The following KCNB2 variants were observed in gnomAD, a reference collection of about 807,000 sequenced individuals.
The protein encoded by KCNB2 is potassium voltage-gated channel subfamily B member 2, also known as delayed rectifier potassium channel protein.
Under a neutral mutation model 61.5 loss-of-function variants are expected in KCNB2, and 15 were observed. That is an observed-to-expected ratio of 0.24 (90% CI 0.16 to 0.38). KCNB2 has a LOEUF of 0.38. KCNB2 is among the 10% of genes least tolerant of loss of function. KCNB2 has a pLI of 1.00. For synonymous variants in KCNB2, 457 were observed against 446.0 expected (o/e 1.02, Z -0.31); for missense variants, 828 against 1,125.2 (o/e 0.74, Z 3.78).
At chr8:72,699,207 C>T (rs986392559) in intron 2 of KCNB2, among the ~76,000 whole-genome samples, 9 of 152,146 alleles carry the variant, frequency 5.9e-5, no homozygotes, top group Admixed American at 3.9e-4. Context: ...ACACTTCCAA[C>T]AACAGTGTAA....
chr8:72,667,006 T>TGTGTGTGAGA (rs141712140), intron 2 of KCNB2, among the ~76,000 whole-genome samples: 2,609 of 147,888 alleles, frequency 0.018, 64 homozygotes, highest in African/African-American at 0.058. Flanking sequence ...TGTGTGTGTG[T>TGTGTGTGAGA]GAGAGAGAGA....
chr8:72,635,602 C>A (rs1191721025), intron 2 of KCNB2, among the ~76,000 whole-genome samples: 1 of 152,134 alleles, frequency 6.6e-6, no homozygotes, highest in Non-Finnish European at 1.5e-5. Context: ...ATATTCTCAC[C>A]TCTAGTATTG....
chr8:72,684,508 G>A (rs1437470045), intron 2 of KCNB2, among the ~76,000 whole-genome samples: 3 of 152,160 alleles, frequency 2.0e-5, no homozygotes, highest in Non-Finnish European at 2.9e-5. Context: ...GAGCAAGAAA[G>A]CAGGGTATGA....
At chr8:72,634,846 A>G (rs571412019) in intron 2 of KCNB2, among the ~76,000 whole-genome samples, 48 of 152,296 alleles carry the variant, frequency 3.2e-4, no homozygotes, top group African/African-American at 1.1e-3. Context: ...AATGTGGTTT[A>G]ATGATTTGTG....
At chr8:72,777,335 C>G (rs1018556944) in intron 2 of KCNB2, among the ~76,000 whole-genome samples, 1 of 152,114 alleles carries the variant, frequency 6.6e-6, no homozygotes, top group African/African-American at 2.4e-5. Context: ...GAGGACAAGA[C>G]CCTTAGGTTT....
intron 2 of KCNB2, among the ~76,000 whole-genome samples, chr8:72,675,858 C>T (rs765324689): frequency 7.9e-5 from 12 of 152,030 alleles, no homozygotes; most frequent in Non-Finnish European, 1.5e-4. Context: ...GGCCTGCAGT[C>T]TGATTTTTGT....
At chr8:72,543,734 G>A (rs71525176) in intron 1 of KCNB2, among the ~76,000 whole-genome samples, 5,864 of 152,290 alleles carry the variant, frequency 0.039, 147 homozygotes, top group South Asian at 0.088. Context: ...AAAAGTTATG[G>A]AGGAAGCAGG....
chr8:72,608,769 T>A (rs567833393), intron 2 of KCNB2, among the ~76,000 whole-genome samples: 1 of 152,248 alleles, frequency 6.6e-6, no homozygotes, highest in South Asian at 2.1e-4. Context: ...TTCAGCCACA[T>A]TTAGGCCACC....
intron 2 of KCNB2, among the ~76,000 whole-genome samples, chr8:72,630,354 G>A (rs1486835097): frequency 2.6e-5 from 4 of 152,118 alleles, no homozygotes; most frequent in Non-Finnish European, 5.9e-5. Flanking sequence ...GACAGGTCAG[G>A]AAGTTCTTAA....
chr8:72,666,060 G>A (rs1445124818), intron 2 of KCNB2, among the ~76,000 whole-genome samples: 4 of 152,204 alleles, frequency 2.6e-5, no homozygotes, highest in Non-Finnish European at 5.9e-5. Flanking sequence ...ATGACCATGT[G>A]TCTATTTTTT....
chr8:72,912,366 A>G (rs1806312161), intron 2 of KCNB2, among the ~76,000 whole-genome samples: 3 of 152,070 alleles, frequency 2.0e-5, no homozygotes, highest in Admixed American at 2.0e-4. Flanking sequence ...AAAGGCCACA[A>G]GATTTACATC....
intron 2 of KCNB2, among the ~76,000 whole-genome samples, chr8:72,593,434 A>G (rs755223742): frequency 1.3e-5 from 2 of 152,232 alleles, no homozygotes; most frequent in Non-Finnish European, 2.9e-5. Flanking sequence ...TTTAGCAACT[A>G]AAGAGAAAAG....
chr8:72,759,959 A>G (rs1300173384), intron 2 of KCNB2, among the ~76,000 whole-genome samples: 1 of 152,204 alleles, frequency 6.6e-6, no homozygotes, highest in Non-Finnish European at 1.5e-5. Flanking sequence ...AAGGAAACTC[A>G]GTGTGATTGG....
At chr8:72,754,890 G>T (rs1808262575) in intron 2 of KCNB2, among the ~76,000 whole-genome samples, 1 of 152,100 alleles carries the variant, frequency 6.6e-6, no homozygotes, top group Non-Finnish European at 1.5e-5. Context: ...AGTGTAGGTT[G>T]TGCATAATGA....
chr8:72,646,318 T>A (rs1352418675), intron 2 of KCNB2, among the ~76,000 whole-genome samples: 1 of 152,178 alleles, frequency 6.6e-6, no homozygotes, highest in African/African-American at 2.4e-5. Context: ...ATCCGTATAT[T>A]ATGAGAAGTC....
intron 2 of KCNB2, among the ~76,000 whole-genome samples, chr8:72,569,270 G>T (rs1266175873): frequency 6.6e-6 from 1 of 152,216 alleles, no homozygotes; most frequent in African/African-American, 2.4e-5. Context: ...GAGAAGGGAA[G>T]AGTGTGTCAT....
rs531849165 is a variant in KCNB2, at chr8:72,716,883, G to A, written c.579+148570G>A. Among the ~76,000 whole-genome samples, 13 of 152,090 alleles carry A rather than the reference G, an allele frequency of 8.5e-5. No individual in the cohort carries two copies. In the East Asian group the frequency reaches 2.3e-3, roughly 27 times the overall value. ...AGAGGAAGTCAAATTGTCCCTGTTTGCAGATGACATGATTGTATATCTAGA... is the reference window on the plus strand; with the variant it reads ...AGAGGAAGTCAAATTGTCCCTGTTTACAGATGACATGATTGTATATCTAGA... On this transcript the variant is annotated intron_variant, in intron 2 of 2. Coordinates refer to ENST00000523207, the MANE Select transcript of KCNB2 (RefSeq NM_004770.3).
chr8:72,603,591 T>C (rs4738267), intron 2 of KCNB2, among the ~76,000 whole-genome samples: 18,699 of 152,036 alleles, frequency 0.12, 1,543 homozygotes, highest in East Asian at 0.46. Flanking sequence ...CAGAGCAGAG[T>C]GGTCAACAAC....
intron 2 of KCNB2, among the ~76,000 whole-genome samples, chr8:72,719,178 T>G: frequency 6.6e-6 from 1 of 152,142 alleles, no homozygotes; most frequent in South Asian, 2.1e-4. Flanking sequence ...CATGGAATAT[T>G]CTCTCTAATC....
Sources: allele counts gnomAD v4.1 joint callset (sites outside exome capture counted in the v4.1 genomes callset), GRCh38; gene constraint gnomAD v4.1.1; transcripts MANE v1.5; gene names NCBI Gene and HGNC (gene_info 2026-07-23, HGNC 2026-07-21).